Variants in CPNE4 observed in about 807,000 individuals in gnomAD.
CPNE4 encodes copine 4, also known as copine-4.
A neutral mutation model predicts 67.9 loss-of-function variants in CPNE4; 25 were observed. That is an observed-to-expected ratio of 0.37 (90% CI 0.27 to 0.51). The LOEUF (loss-of-function observed/expected upper bound fraction) is 0.51. CPNE4 is among the 20% of genes least tolerant of loss of function. CPNE4 has a pLI of 0.93. For missense variants in CPNE4, 464 were observed against 690.8 expected, an observed-to-expected ratio of 0.67 and a Z score of 3.68; for synonymous variants, 242 against 244.9, an observed-to-expected ratio of 0.99 and a Z score of 0.11.
intron 1 of CPNE4, among the ~76,000 whole-genome samples, chr3:131,929,165 CATCA>C (rs1480171034): frequency 3.0e-5 from 4 of 134,054 alleles, no homozygotes; most frequent in African/African-American, 1.1e-4. Flanking sequence ...CTCCTTTCTT[CATCA>C]ATCATCAGTC....
intron 2 of CPNE4, among the ~76,000 whole-genome samples, chr3:131,815,962 G>A (rs1209759399): frequency 6.6e-6 from 1 of 152,162 alleles, no homozygotes; most frequent in Non-Finnish European, 1.5e-5. Flanking sequence ...GTTTTGGGAA[G>A]GGACTATTAT....
intron 7 of CPNE4, among the ~76,000 whole-genome samples, chr3:131,664,181 G>T (rs1394995036): frequency 6.6e-6 from 1 of 152,138 alleles, no homozygotes; most frequent in Admixed American, 6.6e-5. Flanking sequence ...TGTCAAGATT[G>T]TTCTGGCATG....
chr3:131,689,317 T>C (rs1226795669), intron 5 of CPNE4, among the ~76,000 whole-genome samples: 1 of 152,118 alleles, frequency 6.6e-6, no homozygotes, highest in East Asian at 1.9e-4. Flanking sequence ...ACTGAAAAAA[T>C]GTTAGCTGCA....
At chr3:131,939,070 G>A (rs1362981526) in intron 1 of CPNE4, among the ~76,000 whole-genome samples, 5 of 152,132 alleles carry the variant, frequency 3.3e-5, no homozygotes, top group African/African-American at 1.2e-4. Context: ...TATGCTGGGA[G>A]ACTTAGCAAT....
intron 1 of CPNE4, among the ~76,000 whole-genome samples, chr3:131,915,326 T>C (rs1332911595): frequency 6.6e-6 from 1 of 152,228 alleles, no homozygotes; most frequent in African/African-American, 2.4e-5. Flanking sequence ...GTATTGAGAT[T>C]GTGCTCTGGC....
At chr3:131,949,972 A>G (rs2071672847) in intron 1 of CPNE4, among the ~76,000 whole-genome samples, 1 of 152,202 alleles carries the variant, frequency 6.6e-6, no homozygotes, top group African/African-American at 2.4e-5. Flanking sequence ...ATTACAAATA[A>G]TGAATACTTT....
At position 131,669,685 on chromosome 3, in the gene CPNE4, C is replaced by T. The variant is rs762249563; in HGVS notation, c.671G>A (p.Arg224His). Residue 224 changes from arginine to histidine, a missense_variant, in exon 7 of 16, where the codon CGC becomes CAC. Transcript: ENST00000429747. ...VNSLCSGDPDRRLKCIVWDWD... is the reference protein window; with the variant it reads ...VNSLCSGDPDHRLKCIVWDWD... ...ACACAGATTTCTGACCTTTAGCCGG[C>T]GGTCTGGGTCTCCGCTGCATAGAGA... The T allele has an allele frequency of 6.2e-6, 10 of 1,610,064 alleles. No individual in the cohort carries two copies. Among genetic ancestry groups the T allele is most frequent in the East Asian group, 2.2e-5 (1 of 44,808 alleles).
chr3:131,665,463 A>T (rs1270598742), intron 7 of CPNE4, among the ~76,000 whole-genome samples: 2 of 152,174 alleles, frequency 1.3e-5, no homozygotes, highest in Non-Finnish European at 1.5e-5. Flanking sequence ...GTTTGAGACC[A>T]GCCTGGCCAA....
chr3:131,649,335 C>T (rs1277193831), intron 7 of CPNE4, among the ~76,000 whole-genome samples: 2 of 152,168 alleles, frequency 1.3e-5, no homozygotes, highest in African/African-American at 4.8e-5. Flanking sequence ...TGAAGAGCTA[C>T]AGGTCCTACA....
At chr3:131,760,719 A>C (rs1380484009) in intron 2 of CPNE4, among the ~76,000 whole-genome samples, 1 of 152,208 alleles carries the variant, frequency 6.6e-6, no homozygotes, top group East Asian at 1.9e-4. Context: ...TTTGCACTCC[A>C]TGAGTAACCA....
At chr3:131,719,728 C>T (rs56394237) in intron 3 of CPNE4, among the ~76,000 whole-genome samples, 12,009 of 152,204 alleles carry the variant, frequency 0.079, 558 homozygotes, top group African/African-American at 0.11. Flanking sequence ...CCCATCCCTC[C>T]ACATCTTTTG....
chr3:131,783,399 G>T lies in CPNE4; in HGVS notation c.181-59774C>A, dbSNP rs2083475043. On this transcript the variant is annotated intron_variant, in intron 2 of 15. Transcript: ENST00000429747. The stretch of plus-strand genomic sequence containing the variant: ...GGGGATTTTCCAGCCTCTATTGAAG[G>T]TTAAAGCAGTTGTAACACTTGGGTT... 2.0e-5 allele frequency among the ~76,000 whole-genome samples: 3 copies of T among 152,186 alleles called. No homozygotes were observed. In the South Asian group the frequency reaches 6.2e-4, roughly 32 times the overall value.
intron 7 of CPNE4, among the ~76,000 whole-genome samples, chr3:131,668,631 G>T (rs1416467691): frequency 1.3e-5 from 2 of 152,012 alleles, no homozygotes; most frequent in African/African-American, 4.8e-5. Context: ...TAATCAATTG[G>T]CCTTTTAGTT....
At chr3:131,835,054 A>G (rs12633639) in intron 2 of CPNE4, among the ~76,000 whole-genome samples, 11,341 of 152,280 alleles carry the variant, frequency 0.074, 569 homozygotes, top group East Asian at 0.17. Flanking sequence ...ATTTCAACAA[A>G]CACCCTGGAT....
chr3:131,557,512 G>C (rs1936523599), intron 11 of CPNE4, among the ~76,000 whole-genome samples: 2 of 152,008 alleles, frequency 1.3e-5, no homozygotes, highest in Admixed American at 6.6e-5. Flanking sequence ...ATCAAATTTG[G>C]GGTTAGGGGC....
chr3:131,646,117 A>C (rs1324282123), intron 7 of CPNE4, among the ~76,000 whole-genome samples: 1 of 152,218 alleles, frequency 6.6e-6, no homozygotes, highest in Non-Finnish European at 1.5e-5. Context: ...GGAAAATAAT[A>C]GAAAATCTGT....
chr3:132,011,087 T>C (rs530412566), intron 1 of CPNE4, among the ~76,000 whole-genome samples: 12 of 152,308 alleles, frequency 7.9e-5, no homozygotes, highest in African/African-American at 2.9e-4. Flanking sequence ...CGGGAAGGGA[T>C]AGGCCTGCTG....
chr3:131,572,095 A>G (rs1937365878), intron 10 of CPNE4, among the ~76,000 whole-genome samples: 2 of 152,048 alleles, frequency 1.3e-5, no homozygotes, highest in Admixed American at 6.6e-5. Flanking sequence ...GCAGCTTAGC[A>G]GCTGAGGAGA....
At chr3:131,791,321 C>T (rs1318503769) in intron 2 of CPNE4, among the ~76,000 whole-genome samples, 1 of 152,038 alleles carries the variant, frequency 6.6e-6, no homozygotes, top group Non-Finnish European at 1.5e-5. Flanking sequence ...AGTTGTATAT[C>T]AAAACCACAG....
Sources: allele counts gnomAD v4.1 joint callset (sites outside exome capture counted in the v4.1 genomes callset), GRCh38; gene constraint gnomAD v4.1.1; transcripts MANE v1.5; gene names NCBI Gene and HGNC (gene_info 2026-07-23, HGNC 2026-07-21).